The following NR1I2 variants were observed in gnomAD, a reference collection of about 807,000 sequenced individuals.
NR1I2 encodes orphan nuclear receptor PAR1.
Under a neutral mutation model 43.3 loss-of-function variants are expected in NR1I2, and 42 were observed. That is an observed-to-expected ratio of 0.97 (90% CI 0.76 to 1.26). The LOEUF is 1.26. Ranked by LOEUF, NR1I2 falls within the 50% of genes most tolerant of loss-of-function variation. The probability of loss-of-function intolerance (pLI) is 0.00; values close to 1 mark genes in which losing one functional copy is unlikely to be tolerated. For synonymous variants in NR1I2, 229 were observed against 215.0 expected (o/e 1.06, Z -0.57); for missense variants, 559 against 566.7 (o/e 0.99, Z 0.14).
intron 1 of NR1I2, among the ~76,000 whole-genome samples, chr3:119,806,649 C>T (rs1463651826): frequency 6.6e-6 from 1 of 152,172 alleles, no homozygotes; most frequent in Non-Finnish European, 1.5e-5. Flanking sequence ...GCTGGGACCA[C>T]AGGCCATTTT....
At chr3:119,809,018 G>A (rs1398557167) in intron 2 of NR1I2, among the ~76,000 whole-genome samples, 2 of 152,160 alleles carry the variant, frequency 1.3e-5, no homozygotes, top group Admixed American at 6.5e-5. Context: ...TCCGAGGCCC[G>A]AGGCCTCCAA....
intron 1 of NR1I2, among the ~76,000 whole-genome samples, chr3:119,799,960 C>G (rs1172715391): frequency 6.7e-6 from 1 of 149,004 alleles, no homozygotes; most frequent in Non-Finnish European, 1.5e-5. Flanking sequence ...GACTTTGTCT[C>G]AAAAAACAAA....
chr3:119,817,124 A>G lies in NR1I2; in HGVS notation c.1217A>G (p.Gln406Arg), dbSNP rs1315911114. 6.2e-7 allele frequency: 1 copy of G among 1,614,092 alleles called. No individual in the cohort carries two copies. Among genetic ancestry groups the G allele is most frequent in the Non-Finnish European group, 8.5e-7 (1 of 1,180,038 alleles). ...ACCGAGCTCCGCAGCATCAATGCTC[A>G]GCACACCCAGCGGCTGCTGCGCATC... is the stretch of plus-strand genomic sequence containing the variant. Residue 406 changes from glutamine (Q) to arginine (R), a missense_variant, in exon 9 of 9, where the codon CAG (glutamine) becomes CGG (arginine). By Grantham distance (43) the Gln-to-Arg change is conservative. Around this residue, in one of 3 missense-constraint regions of NR1I2, gnomAD observed 323 missense variants for 312.2 expected, o/e 1.03. Coordinates refer to ENST00000393716, the MANE Select transcript of NR1I2 (RefSeq NM_003889.4).
In NR1I2 at chr3:119,795,115, T is replaced by G. The variant is rs192590689; in HGVS notation, c.-22-12114T>G. Among the ~76,000 whole-genome samples the G allele has an allele frequency of 4.6e-5, 7 of 152,304 alleles. No individual in the cohort carries two copies. In the East Asian group the frequency reaches 9.6e-4, roughly 21 times the overall value. On this transcript the variant is annotated intron_variant, in intron 1 of 8. Transcript: ENST00000393716. ...CACCACTAGCTGGGGAGTTGGCTCT[T>G]GGCTGGGGTTGGTCAGTGCACAGGC...
At chr3:119,799,915 G>A (rs1222332102) in intron 1 of NR1I2, among the ~76,000 whole-genome samples, 5 of 152,144 alleles carry the variant, frequency 3.3e-5, no homozygotes, top group Admixed American at 3.3e-4. Context: ...GGGAGGCAGA[G>A]GTTGTGCACC....
At chr3:119,790,714 A>T (rs1268446287) in intron 1 of NR1I2, among the ~76,000 whole-genome samples, 1 of 152,164 alleles carries the variant, frequency 6.6e-6, no homozygotes, top group African/African-American at 2.4e-5. Context: ...AATGTGTACT[A>T]TGTTCTTTAT....
chr3:119,801,339 G>A lies in NR1I2; in HGVS notation c.-22-5890G>A, dbSNP rs928047868. Among the ~76,000 whole-genome samples, 9 of 152,154 alleles carry A rather than the reference G, an allele frequency of 5.9e-5. No homozygotes were observed. The East Asian group carries it at 7.7e-4, about 13-fold the overall frequency. ...AACCTTCTTCTGATGAGATTTCACC[G>A]ATTACTAAGCACCGTGAGAAGCAGG... On this transcript the variant is annotated intron_variant, in intron 1 of 8. Coordinates refer to ENST00000393716, the MANE Select transcript of NR1I2 (RefSeq NM_003889.4).
chr3:119,808,351 G>A (rs1233531847), intron 2 of NR1I2, among the ~76,000 whole-genome samples: 2 of 152,212 alleles, frequency 1.3e-5, no homozygotes, highest in Non-Finnish European at 2.9e-5. Context: ...GCGCACAAAG[G>A]CCCATCTTTG....
rs2055354603 is a variant in NR1I2 at position 119,818,082 on chromosome 3, G to T, written c.*870G>T. 1.0e-6 allele frequency: 1 copy of T among 985,590 alleles called. No individual in the cohort carries two copies. The highest frequency in any genetic ancestry group is 1.2e-6 in the Non-Finnish European group (1 of 830,000). 61.1% of individuals were successfully genotyped at this position (985,590 alleles called of 1,614,324 possible). On this transcript the variant is annotated 3_prime_UTR_variant, in exon 9 of 9. Coordinates refer to ENST00000393716, the MANE Select transcript of NR1I2 (RefSeq NM_003889.4). ...GGGTACCCAAGTGAAGGTTCCCAAG[G>T]ACATGAGTCTGTAGGAGCAAGGGCA...
At chr3:119,813,578 T>C (rs2055275929) in intron 5 of NR1I2, among the ~76,000 whole-genome samples, 1 of 152,102 alleles carries the variant, frequency 6.6e-6, no homozygotes, top group Non-Finnish European at 1.5e-5. Flanking sequence ...TAGGCCACCT[T>C]GCCTTGCCAA....
chr3:119,816,362 C>T (rs1314959559), intron 8 of NR1I2, among the ~76,000 whole-genome samples: 1 of 152,026 alleles, frequency 6.6e-6, no homozygotes, highest in African/African-American at 2.4e-5. Flanking sequence ...ACACTAGATC[C>T]AAAGCTAGTT....
chr3:119,790,118 C>T (rs1220335307), intron 1 of NR1I2, among the ~76,000 whole-genome samples: 5 of 152,198 alleles, frequency 3.3e-5, no homozygotes, highest in Admixed American at 2.0e-4. Context: ...TGGCAACCAC[C>T]ATTCTACTTT....
chr3:119,817,066 A>G lies in NR1I2; in HGVS notation c.1161-2A>G. 1.2e-6 allele frequency: 2 copies of G among 1,614,088 alleles called. No individual in the cohort carries two copies. The highest frequency in any genetic ancestry group is 2.2e-5 in the East Asian group (1 of 44,880). On this transcript the variant is annotated splice_acceptor_variant, in intron 8 of 8. Coordinates refer to ENST00000393716, the MANE Select transcript of NR1I2 (RefSeq NM_003889.4). LOFTEE classifies it high-confidence loss of function. ...ACAATCTTTTCTCTGGCTGGCATGC[A>G]GGTTCTTGTTCCTGAAGATCATGGC...
intron 1 of NR1I2, among the ~76,000 whole-genome samples, chr3:119,792,752 G>A (rs547444712): frequency 6.6e-6 from 1 of 152,278 alleles, no homozygotes; most frequent in South Asian, 2.1e-4. Flanking sequence ...GCATGTACCT[G>A]TAATCCCAGC....
At position 119,808,557 on chromosome 3, in the gene NR1I2, T is replaced by C. The variant is rs188825333; in HGVS notation, c.197+1110T>C. ...CACAGAAGAGGCTGCCCAAGCAGTG[T>C]TCGTGCATCCTGCCTCAGCATGCAG... On this transcript the variant is annotated intron_variant, in intron 2 of 8. Transcript: ENST00000393716. 6.6e-4 allele frequency among the ~76,000 whole-genome samples: 101 copies of C among 152,364 alleles called. 1 individual carries two copies. The highest frequency in any genetic ancestry group is 5.7e-3 in the Admixed American group (87 of 15,310).
chr3:119,793,514 A>G (rs986612844), intron 1 of NR1I2, among the ~76,000 whole-genome samples: 8 of 152,192 alleles, frequency 5.3e-5, no homozygotes, highest in African/African-American at 1.9e-4. Flanking sequence ...CACCTCTTCC[A>G]GCTTCTAGAT....
At chr3:119,804,370 G>A (rs183644092) in intron 1 of NR1I2, among the ~76,000 whole-genome samples, 24 of 149,002 alleles carry the variant, frequency 1.6e-4, no homozygotes, top group South Asian at 4.2e-4. Flanking sequence ...GCGAGACTCC[G>A]TCTCAAAAAA....
Position 119,802,171 on chromosome 3 carries a change from T to C in NR1I2, c.-22-5058T>C, listed in dbSNP as rs538767113. On this transcript the variant is annotated intron_variant, in intron 1 of 8. Coordinates refer to ENST00000393716, the MANE Select transcript of NR1I2 (RefSeq NM_003889.4). ...TGGATAACAGCTGTAATGGGTTCTCTAGCGGGGGCTTCATAAGCATATGAG... is the reference window on the plus strand; with the variant it reads ...TGGATAACAGCTGTAATGGGTTCTCCAGCGGGGGCTTCATAAGCATATGAG... Among the ~76,000 whole-genome samples, 10 of 152,254 alleles carry C rather than the reference T, an allele frequency of 6.6e-5. No homozygotes were observed. The East Asian group carries it at 1.9e-3, about 29-fold the overall frequency.
At chr3:119,797,386 G>T (rs2055016409) in intron 1 of NR1I2, among the ~76,000 whole-genome samples, 1 of 152,086 alleles carries the variant, frequency 6.6e-6, no homozygotes, top group East Asian at 1.9e-4. Flanking sequence ...AGGTGTCATG[G>T]CCCTTCCTCT....
Sources: allele counts gnomAD v4.1 joint callset (sites outside exome capture counted in the v4.1 genomes callset), GRCh38; gene constraint gnomAD v4.1.1; regional missense constraint gnomAD v4.1.1; transcripts MANE v1.5; gene names NCBI Gene and HGNC (gene_info 2026-07-23, HGNC 2026-07-21).